The following FHIP2A variants were observed in gnomAD, a reference collection of about 807,000 sequenced individuals.
The protein encoded by FHIP2A is FHF complex subunit HOOK interacting protein 2A, also known as family with sequence similarity 160 member B1.
In FHIP2A, 46 loss-of-function variants were observed where a neutral mutation model predicts 93.5. The observed-to-expected ratio is 0.49, with a 90% CI of 0.39 to 0.63. FHIP2A has a LOEUF of 0.63. Among genes scored for constraint, FHIP2A ranks in the 20% least tolerant of loss-of-function variants. The pLI, the probability that FHIP2A is intolerant of heterozygous loss-of-function variation, is 0.00. For missense variants in FHIP2A, 769 were observed against 909.7 expected, an observed-to-expected ratio of 0.85 and a Z score of 1.99; for synonymous variants, 332 against 326.5, an observed-to-expected ratio of 1.02 and a Z score of -0.18.
At chr10:114,880,680 AACACACAC>A (rs71473073) in intron 16 of FHIP2A, among the ~76,000 whole-genome samples, 2 of 144,040 alleles carry the variant, frequency 1.4e-5, no homozygotes, top group Non-Finnish European at 3.0e-5. Context: ...ACTCCATGTC[AACACACAC>A]ACACACACAC....
chr10:114,823,017 G>A (rs2083546737), intron 1 of FHIP2A, among the ~76,000 whole-genome samples: 1 of 152,106 alleles, frequency 6.6e-6, no homozygotes, highest in African/African-American at 2.4e-5. Context: ...TTTATTCTGG[G>A]AGAACTGCCC....
In FHIP2A at chr10:114,836,108, A is replaced by T. The variant is rs1331893628; in HGVS notation, c.400-16A>T. 6.5e-7 allele frequency: 1 copy of T among 1,546,490 alleles called. No individual in the cohort carries two copies. Among genetic ancestry groups the T allele is most frequent in the Non-Finnish European group, 8.8e-7 (1 of 1,135,876 alleles). ...GTAGCCTAAGTTTAAAAAGTTAAAAACAATTGTTTTCACAGAAATTAATTA... is the reference window on the plus strand; with the variant it reads ...GTAGCCTAAGTTTAAAAAGTTAAAATCAATTGTTTTCACAGAAATTAATTA... On this transcript the variant is annotated splice_polypyrimidine_tract_variant and intron_variant, in intron 4 of 16. Transcript: ENST00000369248.
chr10:114,831,536 C>T (rs957981734), intron 2 of FHIP2A, among the ~76,000 whole-genome samples: 1 of 151,932 alleles, frequency 6.6e-6, no homozygotes, highest in Non-Finnish European at 1.5e-5. Flanking sequence ...TTTCTTGGAG[C>T]GTTTGTGTAT....
At chr10:114,899,402 C>A (rs1166276278) in intron 16 of FHIP2A, 1 of 706,592 alleles carries the variant, frequency 1.4e-6, no homozygotes, top group Non-Finnish European at 2.6e-6. Flanking sequence ...GTTGGTTAAG[C>A]ACATAGTTAG....
chr10:114,862,862 G>T lies in FHIP2A; in HGVS notation c.*1322G>T. 2.0e-6 allele frequency: 2 copies of T among 985,382 alleles called. No homozygotes were observed. The highest frequency in any genetic ancestry group is 2.4e-6 in the Non-Finnish European group (2 of 829,932). The allele number at this position is 985,382 out of a possible 1,614,324, so 61.0% of individuals were successfully genotyped here. A position where few individuals can be genotyped will look rare whatever the true frequency, so the allele number is the denominator to read the frequency against. ...GGGGGAACAGGCTATCAAAGGTTCCGGCTTGAAGGGAACTGTCACTACCCC... is the reference window on the plus strand; with the variant it reads ...GGGGGAACAGGCTATCAAAGGTTCCTGCTTGAAGGGAACTGTCACTACCCC... On this transcript the variant is annotated 3_prime_UTR_variant, in exon 17 of 17. Transcript: ENST00000369248.
In FHIP2A at chr10:114,822,099, C is replaced by T; in HGVS notation, c.21C>T (p.Ser7=). 1.5e-6 allele frequency: 2 copies of T among 1,342,884 alleles called. No homozygotes were observed. Among genetic ancestry groups the T allele is most frequent in the Middle Eastern group, 4.1e-4 (2 of 4,884 alleles). 83.2% of individuals were successfully genotyped at this position (1,342,884 alleles called of 1,614,324 possible). A position where few individuals can be genotyped will look rare whatever the true frequency, so the allele number is the denominator to read the frequency against. MFSKFT[S]ILQHAVEALA... ...ACAGGATGTTCTCCAAGTTCACCTC[C>T]ATCCTGCAGCACGCCGTGGAGGCGG... Residue 7 remains serine (S), a synonymous_variant, in exon 1 of 17, where the codon TCC becomes TCT. Coordinates refer to ENST00000369248, the MANE Select transcript of FHIP2A (RefSeq NM_020940.4).
At chr10:114,883,992 G>A (rs962904242) in intron 16 of FHIP2A, among the ~76,000 whole-genome samples, 1 of 152,158 alleles carries the variant, frequency 6.6e-6, no homozygotes, top group Non-Finnish European at 1.5e-5. Context: ...ATATCCATCT[G>A]ATTACAGTGA....
chr10:114,846,400 G>C, intron 10 of FHIP2A, 33 bp downstream of exon 10: 1 of 1,560,668 alleles, frequency 6.4e-7, no homozygotes, highest in Non-Finnish European at 8.7e-7. Context: ...ATTGGACTTA[G>C]ATTCTTTGAA....
downstream of FHIP2A, among the ~76,000 whole-genome samples, chr10:114,865,826 A>G (rs1332982224): frequency 1.3e-5 from 2 of 151,598 alleles, no homozygotes; most frequent in East Asian, 1.9e-4. Flanking sequence ...AAAAATAGAT[A>G]TAAGCAAGCA....
rs2083636050 is a variant in FHIP2A, at chr10:114,836,194, T to C, written c.470T>C (p.Ile157Thr). Reference protein sequence around the residue: ...TENEEIQFLCIVCAKLKQDPY... With the variant: ...TENEEIQFLCTVCAKLKQDPY... ...AATGAAGAGATTCAGTTTCTTTGCA[T>C]TGTGTGTGCGAAGCTGAAACAGGAC... Residue 157 changes from isoleucine (I) to threonine (T), a missense_variant, in exon 5 of 17, where the codon ATT becomes ACT. Transcript: ENST00000369248. 13 of 1,604,024 alleles carry C rather than the reference T, an allele frequency of 8.1e-6. No individual in the cohort carries two copies. The highest frequency in any genetic ancestry group is 1.1e-5 in the Non-Finnish European group (13 of 1,172,770).
chr10:114,834,703 A>G (rs1247065981), intron 3 of FHIP2A, among the ~76,000 whole-genome samples: 3 of 152,244 alleles, frequency 2.0e-5, no homozygotes, highest in Non-Finnish European at 4.4e-5. Context: ...CTGGCATGTT[A>G]CAAAAACTAA....
At chr10:114,875,805 A>T (rs932050863) in intron 16 of FHIP2A, among the ~76,000 whole-genome samples, 1 of 150,994 alleles carries the variant, frequency 6.6e-6, no homozygotes, top group African/African-American at 2.4e-5. Context: ...GAAAAAGAAC[A>T]GAAAGAAAGG....
intron 16 of FHIP2A, among the ~76,000 whole-genome samples, chr10:114,881,147 C>T (rs1246574117): frequency 6.6e-6 from 1 of 152,232 alleles, no homozygotes; most frequent in Non-Finnish European, 1.5e-5. Flanking sequence ...GTTCTCCCAG[C>T]TCCCCTTTTG....
At chr10:114,846,395 A>G in intron 10 of FHIP2A, 28 bp downstream of exon 10, 1 of 1,578,288 alleles carries the variant, frequency 6.3e-7, no homozygotes, top group African/African-American at 1.4e-5. Flanking sequence ...TTAGAATTGG[A>G]CTTAGATTCT....
At chr10:114,889,312 A>G (rs754889653) in intron 16 of FHIP2A, among the ~76,000 whole-genome samples, 4 of 152,218 alleles carry the variant, frequency 2.6e-5, no homozygotes, top group Admixed American at 6.5e-5. Flanking sequence ...CCGCCTCTGC[A>G]TAATCCTTAG....
chr10:114,826,700 A>C (rs2083578636), intron 1 of FHIP2A, among the ~76,000 whole-genome samples: 1 of 152,174 alleles, frequency 6.6e-6, no homozygotes, highest in African/African-American at 2.4e-5. Context: ...CATTTAAAAA[A>C]TCTGGGAGTG....
chr10:114,841,535 G>A (rs1039408393), intron 5 of FHIP2A, among the ~76,000 whole-genome samples: 2 of 151,976 alleles, frequency 1.3e-5, no homozygotes, highest in South Asian at 2.1e-4. Flanking sequence ...CAAGTGATCC[G>A]CCTGCCTCAG....
intron 3 of FHIP2A, among the ~76,000 whole-genome samples, chr10:114,833,912 T>G (rs946834086): frequency 6.6e-6 from 1 of 152,224 alleles, no homozygotes; most frequent in Non-Finnish European, 1.5e-5. Flanking sequence ...AGACAAGTTT[T>G]CCAGCCGTGT....
intron 13 of FHIP2A, among the ~76,000 whole-genome samples, chr10:114,852,182 C>A (rs1029993154): frequency 2.0e-5 from 3 of 150,370 alleles, no homozygotes; most frequent in African/African-American, 7.3e-5. Context: ...CATTTTTACT[C>A]TGTCCACCAT....
Sources: allele counts gnomAD v4.1 joint callset (sites outside exome capture counted in the v4.1 genomes callset), GRCh38; gene constraint gnomAD v4.1.1; transcripts MANE v1.5; gene names NCBI Gene and HGNC (gene_info 2026-07-23, HGNC 2026-07-21).